Variants in CRADD observed in about 807,000 individuals in gnomAD.
CRADD encodes CARD and death domain containing adaptor protein.
CRADD carries 9 observed loss-of-function variants against 15.5 expected under a neutral mutation model. The ratio of observed to expected loss-of-function variants is 0.58; its 90% CI spans 0.35 to 1.01. The LOEUF (loss-of-function observed/expected upper bound fraction) is 1.01, where lower values mean the gene tolerates loss of function less well. Ranked by LOEUF, CRADD falls within the 50% of genes least tolerant of loss-of-function variation. The probability of loss-of-function intolerance (pLI) is 0.02; values close to 1 mark genes in which losing one functional copy is unlikely to be tolerated. For missense variants in CRADD, 227 were observed against 250.3 expected, an observed-to-expected ratio of 0.91 and a Z score of 0.63; for synonymous variants, 118 against 107.6, an observed-to-expected ratio of 1.10 and a Z score of -0.60.
At position 93,678,792 on chromosome 12, in the gene CRADD, A is replaced by G. The variant is rs372299436; in HGVS notation, c.18A>G (p.Lys6=). The change falls in exon 2 of 3, where the codon AAA becomes AAG. Residue 6 remains lysine (K), a synonymous_variant. Transcript: ENST00000332896. MEARD[K]QVLRSLRLEL... ...AGGGAGAAATGGAGGCCAGAGACAAACAAGTACTCCGCTCACTTCGCCTGG... is the reference window on the plus strand; with the variant it reads ...AGGGAGAAATGGAGGCCAGAGACAAGCAAGTACTCCGCTCACTTCGCCTGG... The G allele has an allele frequency of 3.1e-6, 5 of 1,612,524 alleles. No individual in the cohort carries two copies. The African/African-American group carries it at 6.7e-5, about 22-fold the overall frequency.
chr12:93,892,244 G>T (rs1958581185), intron 2 of CRADD, among the ~76,000 whole-genome samples: 1 of 152,186 alleles, frequency 6.6e-6, no homozygotes, highest in Non-Finnish European at 1.5e-5. Flanking sequence ...TGTGAAACTG[G>T]ATCTTGATTT....
At position 93,816,876 on chromosome 12, in the gene CRADD, C is replaced by T. The variant is rs112002115; in HGVS notation, c.299-33094C>T. ...AGGCTTAAAAAATGTGAGACGGTTT[C>T]TGCTAAGACTTACTTGCAAGGTCAT... On this transcript the variant is annotated intron_variant, in intron 2 of 2. Transcript: ENST00000332896. Among the ~76,000 whole-genome samples, 505 of 152,270 alleles carry T rather than the reference C, an allele frequency of 3.3e-3. 2 individuals are homozygous for T. Among genetic ancestry groups the T allele is most frequent in the Non-Finnish European group, 5.2e-3 (353 of 68,024 alleles).
At chr12:93,756,630 A>G (rs1044302412) in intron 2 of CRADD, among the ~76,000 whole-genome samples, 9 of 152,254 alleles carry the variant, frequency 5.9e-5, no homozygotes, top group Non-Finnish European at 1.3e-4. Flanking sequence ...TAGATGCTCA[A>G]TAAATATTTT....
chr12:93,810,176 T>C (rs1326045121), intron 2 of CRADD, among the ~76,000 whole-genome samples: 2 of 152,154 alleles, frequency 1.3e-5, no homozygotes, highest in African/African-American at 4.8e-5. Context: ...TGTGCCCTGT[T>C]TGAAAGCTGG....
At chr12:93,858,822 A>T (rs1183613348) in intron 2 of CRADD, among the ~76,000 whole-genome samples, 1 of 152,218 alleles carries the variant, frequency 6.6e-6, no homozygotes, top group African/African-American at 2.4e-5. Flanking sequence ...GTCCTACCCC[A>T]TACCTGGGAG....
chr12:93,758,528 A>T (rs1440238920), intron 2 of CRADD, among the ~76,000 whole-genome samples: 1 of 152,016 alleles, frequency 6.6e-6, no homozygotes, highest in Non-Finnish European at 1.5e-5. Flanking sequence ...ACCATGACTT[A>T]TATTAATGGT....
At chr12:93,677,664 C>T (rs1421061172) in intron 1 of CRADD, 192 bp downstream of exon 1, 3 of 152,304 alleles carry the variant, frequency 2.0e-5, no homozygotes, top group Non-Finnish European at 4.4e-5. Flanking sequence ...AGCACTCCCT[C>T]TTTAGCGGGT....
chr12:93,769,622 AGTTACTG>A (rs1957061884), intron 2 of CRADD, among the ~76,000 whole-genome samples: 2 of 152,150 alleles, frequency 1.3e-5, no homozygotes, highest in South Asian at 4.1e-4. Context: ...AATTTATGTG[AGTTACTG>A]TTGTTCCTTA....
intron 2 of CRADD, among the ~76,000 whole-genome samples, chr12:93,818,018 C>T (rs948827797): frequency 5.3e-5 from 8 of 152,198 alleles, no homozygotes; most frequent in East Asian, 3.9e-4. Context: ...TCCTCAGCTT[C>T]GCAAACCAAG....
chr12:93,735,254 T>A (rs1956545854), intron 2 of CRADD, among the ~76,000 whole-genome samples: 1 of 152,234 alleles, frequency 6.6e-6, no homozygotes, highest in Admixed American at 6.5e-5. Flanking sequence ...ATTTTAGCAG[T>A]GTAGGCAGCT....
chr12:93,737,837 GGA>G (rs1956600562), intron 2 of CRADD: 1 of 161,412 alleles, frequency 6.2e-6, no homozygotes, highest in Non-Finnish European at 1.3e-5. Context: ...AACCAGAGCA[GGA>G]CTGCTGTGCT....
chr12:93,871,935 G>C (rs961749771), intron 2 of CRADD, among the ~76,000 whole-genome samples: 4 of 152,236 alleles, frequency 2.6e-5, no homozygotes, highest in African/African-American at 9.6e-5. Context: ...CCTAGCAGTG[G>C]GATTGATGGA....
At chr12:93,762,424 A>T (rs980847482) in intron 2 of CRADD, among the ~76,000 whole-genome samples, 2 of 152,160 alleles carry the variant, frequency 1.3e-5, no homozygotes, top group Admixed American at 6.5e-5. Context: ...TTGGAAGCTA[A>T]CTTATAGAGA....
At chr12:93,875,770 C>A (rs1327896187) in intron 2 of CRADD, among the ~76,000 whole-genome samples, 1 of 152,062 alleles carries the variant, frequency 6.6e-6, no homozygotes, top group Non-Finnish European at 1.5e-5. Flanking sequence ...CTGATGATGT[C>A]TTGAAATGCT....
intron 2 of CRADD, among the ~76,000 whole-genome samples, chr12:93,881,576 C>T (rs1050853113): frequency 6.6e-6 from 1 of 152,070 alleles, no homozygotes; most frequent in African/African-American, 2.4e-5. Flanking sequence ...GAATTGGCTC[C>T]CTCACTCCAC....
chr12:93,786,496 T>C (rs575336053), intron 2 of CRADD, among the ~76,000 whole-genome samples: 1 of 152,304 alleles, frequency 6.6e-6, no homozygotes, highest in African/African-American at 2.4e-5. Context: ...GTAGATCCTG[T>C]ATAATTTTTA....
At chr12:93,803,722 C>T (rs953348067) in intron 2 of CRADD, among the ~76,000 whole-genome samples, 11 of 152,074 alleles carry the variant, frequency 7.2e-5, no homozygotes, top group Admixed American at 3.3e-4. Flanking sequence ...TCCCTCCCAC[C>T]GAGATGTTCA....
At chr12:93,863,596 T>TGTG (rs1555230280) in intron 2 of CRADD, among the ~76,000 whole-genome samples, 1 of 124,774 alleles carries the variant, frequency 8.0e-6, no homozygotes, top group Admixed American at 8.1e-5. Context: ...GTGGAGGCAT[T>TGTG]TGTGTGTGTG....
At chr12:93,831,863 T>C (rs904760729) in intron 2 of CRADD, among the ~76,000 whole-genome samples, 17 of 152,240 alleles carry the variant, frequency 1.1e-4, no homozygotes, top group Admixed American at 2.0e-4. Flanking sequence ...TTGATGTGGA[T>C]TCTGTGAGAC....
Sources: gnomAD v4.1 joint callset for allele counts (sites outside exome capture counted in the v4.1 genomes callset) on GRCh38, gnomAD v4.1.1 for gene constraint, MANE v1.5 for transcripts, NCBI Gene and HGNC (gene_info 2026-07-23, HGNC 2026-07-21) for gene names.